PSORS1C2: variants seen among roughly 807,000 people sequenced by gnomAD.
PSORS1C2 encodes the protein psoriasis susceptibility 1 candidate gene 2 protein.
PSORS1C2 carries 13 observed loss-of-function variants against 12.2 expected under a neutral mutation model. The observed-to-expected ratio is 1.07, with a 90% CI of 0.70 to 1.70. PSORS1C2 has a LOEUF of 1.70. PSORS1C2 is among the 40% of genes most tolerant of loss of function. PSORS1C2 has a pLI of 0.00. For missense variants in PSORS1C2, 186 were observed against 173.4 expected, an observed-to-expected ratio of 1.07 and a Z score of -0.41; for synonymous variants, 76 against 69.2, an observed-to-expected ratio of 1.10 and a Z score of -0.49.
chr6:31,138,770 A>G (rs1299035380), intron 1 of PSORS1C2: 3 of 1,613,822 alleles, frequency 1.9e-6, no homozygotes, highest in Non-Finnish European at 2.5e-6. Context: ...GAGCCAGCAA[A>G]CCATTTCTGG....
chr6:31,138,718 A>C (rs147633712), intron 1 of PSORS1C2: 1 of 1,601,368 alleles, frequency 6.2e-7, no homozygotes, highest in African/African-American at 1.4e-5. Flanking sequence ...CTCCGAGGAA[A>C]CTCGTCCCCC....
chr6:31,138,485 G>C (rs1773276543), intron 1 of PSORS1C2, 179 bp from the exon 2 acceptor site: 1 of 1,611,630 alleles, frequency 6.2e-7, no homozygotes, highest in Non-Finnish European at 8.5e-7. Flanking sequence ...CTTAACTGAT[G>C]GTAAAATGTC....
Position 31,138,080 on chromosome 6 carries a change from A to G in PSORS1C2, c.282T>C (p.Pro94=), listed in dbSNP as rs766820765. The change falls in exon 2 of 2, where the codon CCT becomes CCC. Residue 94 remains proline, a synonymous_variant. Coordinates refer to ENST00000259845, the MANE Select transcript of PSORS1C2 (RefSeq NM_014069.3). ...CCGGCCAAGGGTCGTCAGGCCGGGG[A>G]GGTTGAGGAGGATCCGTTCTAGGCG... ...PEPPRTDPPQ[P]PRPDDPWPAG... 30 of 1,568,650 alleles carry G rather than the reference A, an allele frequency of 1.9e-5. 1 individual carries two copies. The highest frequency in any genetic ancestry group is 2.0e-5 in the Non-Finnish European group (23 of 1,159,232).
Position 31,138,227 on chromosome 6 carries a change from C to T in PSORS1C2, c.135G>A (p.Gln45=). 1 of 1,567,614 alleles carries T rather than the reference C, an allele frequency of 6.4e-7. No individual in the cohort carries two copies. Among genetic ancestry groups the T allele is most frequent in the Non-Finnish European group, 8.6e-7 (1 of 1,159,068 alleles). ...REEAGSPTLP[Q]GPPVPGDPWP... Reference sequence around the variant, plus strand: ...AAGGGTCACCGGGGACTGGGGGGCCCTGAGGCAATGTTGGGGAGCCTGCCT... The same window carrying T: ...AAGGGTCACCGGGGACTGGGGGGCCTTGAGGCAATGTTGGGGAGCCTGCCT... Residue 45 remains glutamine (Q), a synonymous_variant, in exon 2 of 2, where the codon CAG becomes CAA. Transcript: ENST00000259845.
intron 1 of PSORS1C2, 118 bp downstream of exon 1, chr6:31,138,854 T>G: frequency 6.2e-7 from 1 of 1,605,402 alleles, no homozygotes; most frequent in Non-Finnish European, 8.5e-7. Flanking sequence ...GTGAGCCAGA[T>G]GCACCTTCTG....
chr6:31,138,494 T>C (rs1773277446), intron 1 of PSORS1C2, 188 bp from the exon 2 acceptor site: 1 of 1,611,132 alleles, frequency 6.2e-7, no homozygotes, highest in African/African-American at 1.3e-5. Flanking sequence ...TGGTAAAATG[T>C]CATGAACCCC....
chr6:31,138,708 C>A lies in PSORS1C2; in HGVS notation c.55+264G>T, dbSNP rs749948651. The stretch of plus-strand genomic sequence containing the variant: ...CCCAGCTCCTTAACACAGATCCCAG[C>A]TCCGAGGAAACTCGTCCCCCCCACG... On this transcript the variant is annotated intron_variant, in intron 1 of 1. Coordinates refer to ENST00000259845, the MANE Select transcript of PSORS1C2 (RefSeq NM_014069.3). 4 of 1,606,930 alleles carry A rather than the reference C, an allele frequency of 2.5e-6. No homozygotes were observed. In the South Asian group the frequency reaches 4.4e-5, roughly 18 times the overall value.
rs774997575 is a variant in PSORS1C2 at position 31,137,910 on chromosome 6, G to A, written c.*41C>T. 1.0e-6 allele frequency: 1 copy of A among 991,870 alleles called. No individual in the cohort carries two copies. Among genetic ancestry groups the A allele is most frequent in the Admixed American group, 3.2e-5 (1 of 31,122 alleles). 61.4% of individuals were successfully genotyped at this position (991,870 alleles called of 1,614,324 possible). ...ATCAGAGGGTGGAGAGGGCGTGGGTGCCTGGAGATGCCTGGGAACAGAACG... is the reference window on the plus strand; with the variant it reads ...ATCAGAGGGTGGAGAGGGCGTGGGTACCTGGAGATGCCTGGGAACAGAACG... On this transcript the variant is annotated 3_prime_UTR_variant, in exon 2 of 2. Coordinates refer to ENST00000259845, the MANE Select transcript of PSORS1C2 (RefSeq NM_014069.3).
chr6:31,138,693 T>C, intron 1 of PSORS1C2: 1 of 1,612,802 alleles, frequency 6.2e-7, no homozygotes, highest in Non-Finnish European at 8.5e-7. Context: ...CCCAGCTCCT[T>C]AACACAGATC....
rs1270737177 is a variant in PSORS1C2, at chr6:31,138,269, G to C, written c.93C>G (p.Pro31=). The C allele has an allele frequency of 6.3e-7, 1 of 1,579,396 alleles. No homozygotes were observed. Among genetic ancestry groups the C allele is most frequent in the Non-Finnish European group, 8.6e-7 (1 of 1,162,946 alleles). The change falls in exon 2 of 2, where the codon CCC becomes CCG. Residue 31 remains proline (P), a synonymous_variant. Coordinates refer to ENST00000259845, the MANE Select transcript of PSORS1C2 (RefSeq NM_014069.3). ...AGCCTGCCTCCTCTCGGTCCTCTGCGGGTGGGTGAGAGGGGTGGCCCTCGC... is the reference window on the plus strand; with the variant it reads ...AGCCTGCCTCCTCTCGGTCCTCTGCCGGTGGGTGAGAGGGGTGGCCCTCGC... The part of the protein sequence containing the change: ...SGSEGHPSHP[P]AEDREEAGSP...
At chr6:31,138,575 T>C (rs1581872950) in intron 1 of PSORS1C2, 3 of 1,606,430 alleles carry the variant, frequency 1.9e-6, no homozygotes, top group East Asian at 2.2e-5. Flanking sequence ...ATAAGCTCCA[T>C]CCACCCCTGG....
chr6:31,138,780 G>A (rs570680906), intron 1 of PSORS1C2, 192 bp downstream of exon 1: 102 of 1,614,072 alleles, frequency 6.3e-5, no homozygotes, highest in East Asian at 4.5e-5. Context: ...ACCATTTCTG[G>A]TGAGAGCCAA....
In PSORS1C2 at chr6:31,138,971, C is replaced by A; in HGVS notation, c.55+1G>T. 1 of 1,614,042 alleles carries A rather than the reference C, an allele frequency of 6.2e-7. No homozygotes were observed. The highest frequency in any genetic ancestry group is 8.5e-7 in the Non-Finnish European group (1 of 1,179,932). On this transcript the variant is annotated splice_donor_variant, in intron 1 of 1. Transcript: ENST00000259845. LOFTEE classifies it high-confidence loss of function. ...AGTCCCTGCCTCTGTTCCCACCTCA[C>A]CTCTGGTGTGCAGGCAAAGGACCAG...
At chr6:31,138,708 C>G (rs749948651) in intron 1 of PSORS1C2, 2 of 1,606,822 alleles carry the variant, frequency 1.2e-6, no homozygotes, top group Non-Finnish European at 1.7e-6. Context: ...CAGATCCCAG[C>G]TCCGAGGAAA....
In PSORS1C2 at chr6:31,138,294, C is replaced by A; in HGVS notation, c.68G>T (p.Ser23Ile). 1 of 1,591,506 alleles carries A rather than the reference C, an allele frequency of 6.3e-7. No homozygotes were observed. ...LCLHTRGISG[S>I]EGHPSHPPAE... Reference sequence around the variant, plus strand: ...GGGTGGGTGAGAGGGGTGGCCCTCGCTGCCTGAGATGCCTGTAAAGGAGGA... The same window carrying A: ...GGGTGGGTGAGAGGGGTGGCCCTCGATGCCTGAGATGCCTGTAAAGGAGGA... Residue 23 changes from serine to isoleucine, a missense_variant, in exon 2 of 2, where the codon AGC becomes ATC. Transcript: ENST00000259845.
At chr6:31,138,876 T>A in intron 1 of PSORS1C2, 96 bp downstream of exon 1, 1 of 1,602,234 alleles carries the variant, frequency 6.2e-7, no homozygotes, top group Non-Finnish European at 8.5e-7. Flanking sequence ...GTCCCCTGAA[T>A]TCCTGTCCCC....
intron 1 of PSORS1C2, 84 bp from the exon 2 acceptor site, chr6:31,138,390 C>A: frequency 6.2e-7 from 1 of 1,600,162 alleles, no homozygotes; most frequent in Non-Finnish European, 8.6e-7. Flanking sequence ...GGAGGAGGAG[C>A]CTGTCTGGAT....
Position 31,137,739 on chromosome 6 carries a change from A to T in PSORS1C2, c.*212T>A, listed in dbSNP as rs1773217254. On this transcript the variant is annotated 3_prime_UTR_variant, in exon 2 of 2. Transcript: ENST00000259845. ...GAGAGTAGGCTTAGGCTGTCAGAGGAAAAAACGGGCGATGTGAGGACTAAG... is the reference window on the plus strand; with the variant it reads ...GAGAGTAGGCTTAGGCTGTCAGAGGTAAAAACGGGCGATGTGAGGACTAAG... The T allele has an allele frequency of 1.2e-5, 5 of 401,848 alleles. No homozygotes were observed. The highest frequency in any genetic ancestry group is 3.6e-5 in the East Asian group (1 of 27,962). The allele number at this position is 401,848 out of a possible 1,614,324, so 24.9% of individuals were successfully genotyped here.
At position 31,138,152 on chromosome 6, in the gene PSORS1C2, A is replaced by T. The variant is rs1484598076; in HGVS notation, c.210T>A (p.Ser70Arg). 1 of 1,604,084 alleles carries T rather than the reference A, an allele frequency of 6.2e-7. No individual in the cohort carries two copies. The part of the protein sequence containing the change: ...LFEDPPPTRP[S>R]RPWRDLPETG... ...TTTCAGGCAGGTCTCTCCAGGGACG[A>T]CTGGGGCGGGTAGGCGGAGGATCTT... The change falls in exon 2 of 2, where the codon AGT becomes AGA. Residue 70 changes from serine to arginine, a missense_variant. Transcript: ENST00000259845.
Sources: gnomAD v4.1 joint callset for allele counts on GRCh38, gnomAD v4.1.1 for gene constraint, MANE v1.5 for transcripts, NCBI Gene and HGNC (gene_info 2026-07-23, HGNC 2026-07-21) for gene names.